The following PCDH15 variants were observed in gnomAD, a reference collection of about 807,000 sequenced individuals.
The protein encoded by PCDH15 is protocadherin related 15, also known as protocadherin-15.
A neutral mutation model predicts 178.5 loss-of-function variants in PCDH15; 129 were observed. The observed-to-expected ratio is 0.72, with a 90% CI of 0.63 to 0.84. PCDH15 has a LOEUF of 0.84. Among genes scored for constraint, PCDH15 ranks in the 40% least tolerant of loss-of-function variants. The probability of loss-of-function intolerance (pLI) is 0.00; values close to 1 mark genes in which losing one functional copy is unlikely to be tolerated. For missense variants in PCDH15, 2,230 were observed against 2,099.9 expected (o/e 1.06, Z -1.21); for synonymous variants, 800 against 732.0 (o/e 1.09, Z -1.50).
chr10:55,462,686 G>T (rs1344027126), intron 2 of PCDH15, among the ~76,000 whole-genome samples: 1 of 151,608 alleles, frequency 6.6e-6, no homozygotes, highest in African/African-American at 2.4e-5. Context: ...TTTTTCAATT[G>T]GGTCAAACTT....
At chr10:55,539,336 C>T (rs540799298) in intron 2 of PCDH15, among the ~76,000 whole-genome samples, 1 of 152,012 alleles carries the variant, frequency 6.6e-6, no homozygotes, top group Admixed American at 6.6e-5. Context: ...TATCATTTTA[C>T]TATCATTATC....
At chr10:55,126,559 A>T (rs1470598047) in intron 2 of PCDH15, among the ~76,000 whole-genome samples, 2 of 152,130 alleles carry the variant, frequency 1.3e-5, no homozygotes, top group African/African-American at 4.8e-5. Context: ...AAAATAGAAG[A>T]TAGGATTGCA....
chr10:53,814,471 T>C (rs2075988498), intron 35 of PCDH15, among the ~76,000 whole-genome samples: 1 of 152,038 alleles, frequency 6.6e-6, no homozygotes, highest in Non-Finnish European at 1.5e-5. Flanking sequence ...GCATTAAAAA[T>C]GTAATAAGAA....
chr10:55,407,020 T>C (rs999542168), intron 2 of PCDH15, among the ~76,000 whole-genome samples: 1 of 152,126 alleles, frequency 6.6e-6, no homozygotes, highest in African/African-American at 2.4e-5. Context: ...AAAATGACCA[T>C]TGAATTTGTC....
chr10:55,444,375 T>A (rs1337794160), intron 2 of PCDH15, among the ~76,000 whole-genome samples: 1 of 152,012 alleles, frequency 6.6e-6, no homozygotes, highest in Admixed American at 6.6e-5. Flanking sequence ...CACATGTACA[T>A]CTTTATGTCT....
chr10:54,678,870 A>G (rs983540468), intron 1 of PCDH15, among the ~76,000 whole-genome samples: 2 of 152,212 alleles, frequency 1.3e-5, no homozygotes, highest in Admixed American at 6.5e-5. Flanking sequence ...CTCTTGCATA[A>G]CACTTATGTA....
At chr10:53,926,413 G>A (rs752716577) in intron 25 of PCDH15, among the ~76,000 whole-genome samples, 1 of 152,090 alleles carries the variant, frequency 6.6e-6, no homozygotes, top group Non-Finnish European at 1.5e-5. Context: ...AATTAAGTAG[G>A]TTTGGAAAAG....
chr10:54,866,724 GAA>G (rs1175388827), intron 3 of PCDH15, among the ~76,000 whole-genome samples: 1 of 152,086 alleles, frequency 6.6e-6, no homozygotes, highest in African/African-American at 2.4e-5. Context: ...TTATAAGACA[GAA>G]AAGTTATGTT....
At chr10:55,475,766 A>G (rs1160528572) in intron 2 of PCDH15, among the ~76,000 whole-genome samples, 1 of 152,144 alleles carries the variant, frequency 6.6e-6, no homozygotes, top group Non-Finnish European at 1.5e-5. Context: ...AAAATTCAAA[A>G]CACTTTGGTC....
At chr10:54,782,263 A>G (rs567618051) in intron 1 of PCDH15, among the ~76,000 whole-genome samples, 23 of 152,270 alleles carry the variant, frequency 1.5e-4, no homozygotes, top group South Asian at 6.2e-4. Context: ...CTTTGCAGCT[A>G]GACGTATTTA....
intron 3 of PCDH15, among the ~76,000 whole-genome samples, chr10:54,515,703 C>T (rs866085738): frequency 1.8e-4 from 27 of 152,304 alleles, no homozygotes; most frequent in Non-Finnish European, 3.1e-4. Context: ...CCCTGACCTG[C>T]GAGCAGCCTA....
rs990208418 is a variant in PCDH15, at chr10:54,025,662, C to T, written c.2221-2465G>A. 3.3e-5 allele frequency among the ~76,000 whole-genome samples: 5 copies of T among 152,066 alleles called. No individual in the cohort carries two copies. In the East Asian group the frequency reaches 7.7e-4, roughly 24 times the overall value. Reference sequence around the variant, plus strand: ...TACAGGCACCTGTCACCATGCCCAGCTAATTTTTGCATTTTTAGTAGAGAC... The same window carrying T: ...TACAGGCACCTGTCACCATGCCCAGTTAATTTTTGCATTTTTAGTAGAGAC... On this transcript the variant is annotated intron_variant, in intron 18 of 37. Transcript: ENST00000644397.
chr10:55,570,205 A>G (rs748427007), intron 2 of PCDH15, among the ~76,000 whole-genome samples: 1 of 151,994 alleles, frequency 6.6e-6, no homozygotes, highest in Non-Finnish European at 1.5e-5. Flanking sequence ...ATCGTCTGTA[A>G]TAGTCATGTT....
At chr10:53,917,514 T>C (rs1329568228) in intron 25 of PCDH15, among the ~76,000 whole-genome samples, 1 of 152,184 alleles carries the variant, frequency 6.6e-6, no homozygotes, top group Non-Finnish European at 1.5e-5. Flanking sequence ...GTTGTGGAAA[T>C]GCAATTTGCT....
At chr10:55,408,649 A>T (rs1257500769) in intron 2 of PCDH15, among the ~76,000 whole-genome samples, 1 of 152,286 alleles carries the variant, frequency 6.6e-6, no homozygotes, top group East Asian at 1.9e-4. Flanking sequence ...TAAAAATGGT[A>T]TACAATATGT....
chr10:55,510,665 A>G (rs1202388611), intron 2 of PCDH15, among the ~76,000 whole-genome samples: 1 of 151,914 alleles, frequency 6.6e-6, no homozygotes, highest in Non-Finnish European at 1.5e-5. Context: ...TTTAAAATTC[A>G]AAAGTAAAAA....
rs150916118 is a variant in PCDH15, at chr10:54,999,195, T to A, written c.-79-101695A>T. On this transcript the variant is annotated intron_variant, in intron 2 of 5. Coordinates refer to the PCDH15 transcript ENST00000458638. ...GTCCCTAAGTTACCTTTGTCAAGCC[T>A]CCCAAAATTGATAGGACAACCTAGC... is the stretch of plus-strand genomic sequence containing the variant. Among the ~76,000 whole-genome samples, 755 of 152,280 alleles carry A rather than the reference T, an allele frequency of 5.0e-3. 9 individuals carry two copies. Among genetic ancestry groups the A allele is most frequent in the African/African-American group, 0.017 (717 of 41,560 alleles).
chr10:54,075,289 A>T (rs1229263987), intron 17 of PCDH15, among the ~76,000 whole-genome samples: 1 of 152,078 alleles, frequency 6.6e-6, no homozygotes, highest in Non-Finnish European at 1.5e-5. Context: ...AGGCAGGAGA[A>T]TGGCCTGAAC....
chr10:55,067,781 T>G (rs1048071664), intron 2 of PCDH15, among the ~76,000 whole-genome samples: 1 of 152,028 alleles, frequency 6.6e-6, no homozygotes, highest in Non-Finnish European at 1.5e-5. Context: ...ATAACAGTCA[T>G]TGCAACTGGG....
Sources: gnomAD v4.1 joint callset for allele counts (sites outside exome capture counted in the v4.1 genomes callset) on GRCh38, gnomAD v4.1.1 for gene constraint, MANE v1.5 for transcripts, NCBI Gene and HGNC (gene_info 2026-07-23, HGNC 2026-07-21) for gene names.